Variants in SNORC observed in about 807,000 individuals in gnomAD.
The protein encoded by SNORC is secondary ossification center associated regulator of chondrocyte maturation.
SNORC carries 11 observed loss-of-function variants against 9.7 expected under a neutral mutation model. That is an observed-to-expected ratio of 1.14 (90% CI 0.72 to 1.88). The LOEUF is 1.88. Among genes scored for constraint, SNORC ranks in the 40% most tolerant of loss-of-function variants. The pLI, the probability that SNORC is intolerant of heterozygous loss-of-function variation, is 0.00. For missense variants in SNORC, 197 were observed against 173.1 expected (o/e 1.14, Z -0.77); for synonymous variants, 108 against 88.7 (o/e 1.22, Z -1.22).
chr2:232,867,382 A>C (rs1690899475), upstream of SNORC, among the ~76,000 whole-genome samples: 1 of 152,206 alleles, frequency 6.6e-6, no homozygotes, highest in South Asian at 2.1e-4. Flanking sequence ...ACTAGAGACA[A>C]GTTTTCCAAG....
At chr2:232,876,656 C>G, downstream of SNORC, 1 of 1,016,226 alleles carries the variant, frequency 9.8e-7, no homozygotes, top group Non-Finnish European at 1.2e-6. The surrounding 1 kb of genome is among the most constrained non-coding windows in gnomAD (Gnocchi z 6.8). Context: ...GCTCGGCGTC[C>G]CCGTGCACCA....
intron 1 of SNORC, among the ~76,000 whole-genome samples, chr2:232,873,463 T>G (rs927698823): frequency 2.0e-5 from 3 of 152,078 alleles, no homozygotes; most frequent in Non-Finnish European, 4.4e-5. Context: ...CTGGCCTGGG[T>G]ACTGAGCCCT....
upstream of SNORC, among the ~76,000 whole-genome samples, chr2:232,867,149 C>T (rs1048004368): frequency 6.6e-6 from 1 of 152,182 alleles, no homozygotes; most frequent in Admixed American, 6.5e-5. Context: ...TGAAAATGAG[C>T]CATAAATTGG....
chr2:232,867,019 G>A (rs867223130), upstream of SNORC, among the ~76,000 whole-genome samples: 2 of 152,080 alleles, frequency 1.3e-5, no homozygotes, highest in Non-Finnish European at 2.9e-5. Context: ...TCTCGAACTC[G>A]TTACCTCAAG....
chr2:232,868,094 AGAC>A (rs779990726), upstream of SNORC, among the ~76,000 whole-genome samples: 15 of 151,404 alleles, frequency 9.9e-5, no homozygotes, highest in Non-Finnish European at 2.1e-4. Context: ...ATACATTAGT[AGAC>A]TGGCTGGCTG....
downstream of SNORC, chr2:232,877,190 C>T (rs1384756786): frequency 5.1e-6 from 5 of 985,450 alleles, no homozygotes; most frequent in Non-Finnish European, 6.0e-6. Flanking sequence ...CTACTCTCAC[C>T]CCCAGGCCTG....
chr2:232,877,544 TTC>T, downstream of SNORC: 1 of 184,220 alleles, frequency 5.4e-6, no homozygotes, highest in Non-Finnish European at 1.0e-5. Flanking sequence ...GGCAAGCTGC[TTC>T]TCTTTTTTAA....
chr2:232,866,755 C>G (rs2106183981), upstream of SNORC, among the ~76,000 whole-genome samples: 1 of 152,134 alleles, frequency 6.6e-6, no homozygotes, highest in African/African-American at 2.4e-5. Flanking sequence ...GTTCTGCCAC[C>G]CAGGCTGGAG....
At chr2:232,869,370 C>T (rs1039909307), upstream of SNORC, among the ~76,000 whole-genome samples, 7 of 152,204 alleles carry the variant, frequency 4.6e-5, no homozygotes, top group African/African-American at 7.2e-5. Context: ...AAGCCCTTAG[C>T]GCGGTGGGAA....
intron 1 of SNORC, chr2:232,875,733 C>T (rs932333862): frequency 1.7e-6 from 1 of 592,654 alleles, no homozygotes; most frequent in Non-Finnish European, 2.9e-6. Flanking sequence ...ACAGACACTC[C>T]TCCTGCCCAC....
upstream of SNORC, among the ~76,000 whole-genome samples, chr2:232,868,041 A>G (rs1690909844): frequency 6.6e-6 from 1 of 152,154 alleles, no homozygotes; most frequent in Admixed American, 6.6e-5. Flanking sequence ...CATTATAGTA[A>G]ATACAGATTT....
At chr2:232,874,218 T>TA (rs1691131890) in intron 1 of SNORC, among the ~76,000 whole-genome samples, 1 of 152,250 alleles carries the variant, frequency 6.6e-6, no homozygotes, top group Non-Finnish European at 1.5e-5. Flanking sequence ...AACATTTTGC[T>TA]ACATTGCTGA....
At chr2:232,874,698 ACT>A (rs1434422285) in intron 1 of SNORC, among the ~76,000 whole-genome samples, 1 of 151,782 alleles carries the variant, frequency 6.6e-6, no homozygotes, top group African/African-American at 2.4e-5. Flanking sequence ...GTCTGGCTTG[ACT>A]CTTGCCCCAG....
downstream of SNORC, chr2:232,876,674 A>C: frequency 1.0e-6 from 1 of 1,003,216 alleles, no homozygotes; most frequent in Non-Finnish European, 1.2e-6. The surrounding 1 kb of genome is among the most constrained non-coding windows in gnomAD (Gnocchi z 6.8). Context: ...CCACGGCTGG[A>C]GTGCCTCAGG....
intron 1 of SNORC, among the ~76,000 whole-genome samples, chr2:232,872,021 C>T (rs1164786109): frequency 6.6e-6 from 1 of 152,224 alleles, no homozygotes; most frequent in African/African-American, 2.4e-5. Flanking sequence ...CCCCACTTCC[C>T]TCCATGTGTC....
chr2:232,876,887 T>G, downstream of SNORC: 1 of 985,268 alleles, frequency 1.0e-6, no homozygotes. This position sits in a 1 kb window ranked among gnomAD's most constrained non-coding sequence, Gnocchi z 6.8. Flanking sequence ...CTGCCTCCCA[T>G]CCCGCTCCGC....
chr2:232,873,154 T>TA (rs1691095206), intron 1 of SNORC, among the ~76,000 whole-genome samples: 1 of 152,220 alleles, frequency 6.6e-6, no homozygotes, highest in Non-Finnish European at 1.5e-5. Flanking sequence ...TTCACACAGT[T>TA]ACCTCCTTGT....
chr2:232,876,524 A>C (rs1280207984), downstream of SNORC: 30 of 1,216,506 alleles, frequency 2.5e-5, no homozygotes, highest in Non-Finnish European at 3.0e-5. The surrounding 1 kb of genome is among the most constrained non-coding windows in gnomAD (Gnocchi z 6.8). Flanking sequence ...GGTGCCGTGC[A>C]CGCGCGCGGG....
chr2:232,876,480 G>T, downstream of SNORC: 1 of 1,354,348 alleles, frequency 7.4e-7, no homozygotes. The surrounding 1 kb of genome is among the most constrained non-coding windows in gnomAD (Gnocchi z 6.8). Context: ...GCAGGCGAGC[G>T]CTCAGGGCGG....
Sources: gnomAD v4.1 joint callset for allele counts (sites outside exome capture counted in the v4.1 genomes callset) on GRCh38, gnomAD v4.1.1 for gene constraint, Gnocchi (gnomAD v3.1) non-coding constraint, MANE v1.5 for transcripts, NCBI Gene and HGNC (gene_info 2026-07-23, HGNC 2026-07-21) for gene names.